Variants in PCDHA9 observed in about 807,000 individuals in gnomAD.
PCDHA9 encodes protocadherin alpha-9.
A neutral mutation model predicts 62.0 loss-of-function variants in PCDHA9; 62 were observed. The observed-to-expected ratio is 1.00, with a 90% CI of 0.81 to 1.23. The LOEUF is 1.23. PCDHA9 is among the 50% of genes most tolerant of loss of function. PCDHA9 has a pLI of 0.00. For missense variants in PCDHA9, 1,205 were observed against 1,249.8 expected, an observed-to-expected ratio of 0.96 and a Z score of 0.54; for synonymous variants, 557 against 567.6, an observed-to-expected ratio of 0.98 and a Z score of 0.27.
intron 3 of PCDHA9, among the ~76,000 whole-genome samples, chr5:141,005,899 A>G (rs2098245270): frequency 6.6e-6 from 1 of 151,978 alleles, no homozygotes; most frequent in East Asian, 1.9e-4. Flanking sequence ...TCAAGCAATG[A>G]TTGCACCACT....
At chr5:141,007,980 A>G (rs533342900) in intron 3 of PCDHA9, among the ~76,000 whole-genome samples, 1 of 152,338 alleles carries the variant, frequency 6.6e-6, no homozygotes, top group East Asian at 1.9e-4. Context: ...TGTCATGTAT[A>G]TATGAAATGT....
At chr5:141,007,806 T>G (rs979059299) in intron 3 of PCDHA9, among the ~76,000 whole-genome samples, 12 of 152,220 alleles carry the variant, frequency 7.9e-5, no homozygotes, top group Non-Finnish European at 1.3e-4. Context: ...TATCTGCCAT[T>G]CATTTGCCTT....
At chr5:140,935,080 C>T (rs1163743447) in intron 1 of PCDHA9, among the ~76,000 whole-genome samples, 1 of 152,076 alleles carries the variant, frequency 6.6e-6, no homozygotes, top group Non-Finnish European at 1.5e-5. Flanking sequence ...TGTACATTTC[C>T]TTTCCCAGAA....
At position 140,899,599 on chromosome 5, in the gene PCDHA9, C is replaced by T. The variant is rs535938234; in HGVS notation, c.2394+48710C>T. Among the ~76,000 whole-genome samples the T allele has an allele frequency of 8.0e-3, 1,213 of 152,222 alleles. 6 individuals carry two copies. Among genetic ancestry groups the T allele is most frequent in the African/African-American group, 0.019 (784 of 41,538 alleles). ...CGGTTTGCCAGTATTTTATTGAGGA[C>T]TTTTGCATCAATGTTCATCAAGGAT... On this transcript the variant is annotated intron_variant, in intron 1 of 3. Coordinates refer to ENST00000532602, the MANE Select transcript of PCDHA9 (RefSeq NM_031857.2).
intron 1 of PCDHA9, chr5:140,870,154 G>T (rs1243170344): frequency 6.2e-7 from 1 of 1,614,130 alleles, no homozygotes; most frequent in African/African-American, 1.3e-5. Flanking sequence ...TGAAGTCGCC[G>T]TGACTTCCTT....
At chr5:140,879,672 G>C (rs1256239319) in intron 1 of PCDHA9, among the ~76,000 whole-genome samples, 1 of 152,160 alleles carries the variant, frequency 6.6e-6, no homozygotes, top group East Asian at 1.9e-4. Flanking sequence ...ACACAAACTG[G>C]GTGCTGTAAA....
At chr5:140,970,331 T>C (rs1442466340) in intron 1 of PCDHA9, among the ~76,000 whole-genome samples, 1 of 152,210 alleles carries the variant, frequency 6.6e-6, no homozygotes, top group African/African-American at 2.4e-5. Context: ...TTCCAAAGCA[T>C]GCATTCATTT....
chr5:140,875,443 G>A, intron 1 of PCDHA9: 1 of 1,580,070 alleles, frequency 6.3e-7, no homozygotes. Flanking sequence ...AAAACTGATT[G>A]TCCCAACTCA....
In PCDHA9 at chr5:140,870,903, A is replaced by C. The variant is rs182770106; in HGVS notation, c.2394+20014A>C. On this transcript the variant is annotated intron_variant, in intron 1 of 3. Transcript: ENST00000532602. ...AGGTGCGCGCAGTGGATGCGGACTCAGGCTACAACGCGTGGCTTTCATATG... is the reference window on the plus strand; with the variant it reads ...AGGTGCGCGCAGTGGATGCGGACTCCGGCTACAACGCGTGGCTTTCATATG... 3.9e-4 allele frequency: 622 copies of C among 1,613,930 alleles called. 2 individuals carry two copies. The highest frequency in any genetic ancestry group is 2.8e-3 in the Middle Eastern group (17 of 6,060).
rs2150527140 is a variant in PCDHA9 at position 140,853,018 on chromosome 5, A to G, written c.2394+2129A>G. 8 of 268,768 alleles carry G rather than the reference A, an allele frequency of 3.0e-5. No homozygotes were observed. In the East Asian group the frequency reaches 8.8e-4, roughly 30 times the overall value. 16.6% of individuals were successfully genotyped at this position (268,768 alleles called of 1,614,324 possible). A position where few individuals can be genotyped will look rare whatever the true frequency, so the allele number is the denominator to read the frequency against. ...CTCAGCCTCCCGAGTAGCTGGGACT[A>G]CAGGCGCCTGCCACCATGCCCGCCT... On this transcript the variant is annotated intron_variant, in intron 1 of 3. Coordinates refer to ENST00000532602, the MANE Select transcript of PCDHA9 (RefSeq NM_031857.2).
rs1554169514 is a variant in PCDHA9, at chr5:140,877,250, A to C, written c.2394+26361A>C. On this transcript the variant is annotated intron_variant, in intron 1 of 3. Transcript: ENST00000532602. Reference sequence around the variant, plus strand: ...GTGGGTGCGGGCCACGTGGTGGCGAAAGTGCGCGCGGTGGACGCTGACTCC... The same window carrying C: ...GTGGGTGCGGGCCACGTGGTGGCGACAGTGCGCGCGGTGGACGCTGACTCC... 1.9e-6 allele frequency: 3 copies of C among 1,613,668 alleles called. No homozygotes were observed. In the African/African-American group the frequency reaches 4.0e-5, roughly 22 times the overall value.
intron 3 of PCDHA9, among the ~76,000 whole-genome samples, chr5:140,983,914 AGGATT>A (rs1327360241): frequency 6.6e-6 from 1 of 152,244 alleles, no homozygotes; most frequent in Non-Finnish European, 1.5e-5. Flanking sequence ...CTAATCAGCC[AGGATT>A]TGCTATTTAT....
chr5:141,006,620 T>C (rs1237251555), intron 3 of PCDHA9, among the ~76,000 whole-genome samples: 3 of 152,148 alleles, frequency 2.0e-5, no homozygotes, highest in Admixed American at 6.5e-5. Context: ...ATAAGGAGAC[T>C]ATTGCTGCAA....
rs1259591783 is a variant in PCDHA9, at chr5:141,009,842, G to C, written c.2758G>C (p.Glu920Gln). 1.2e-6 allele frequency: 2 copies of C among 1,613,960 alleles called. No individual in the cohort carries two copies. The highest frequency in any genetic ancestry group is 1.7e-6 in the Non-Finnish European group (2 of 1,180,014). ...TGACTTCATAACCTTCGGCAAAAAG[G>C]AGGAGACCAAGAAAAAGAAGAAAAA... ...KSDFITFGKKEETKKKKKKKK... is the reference protein window; with the variant it reads ...KSDFITFGKKQETKKKKKKKK... The change falls in exon 4 of 4, where the codon GAG becomes CAG. Residue 920 changes from glutamate (E) to glutamine (Q), a missense_variant. Coordinates refer to ENST00000532602, the MANE Select transcript of PCDHA9 (RefSeq NM_031857.2).
chr5:140,905,396 C>T (rs913640299), intron 1 of PCDHA9, among the ~76,000 whole-genome samples: 1 of 152,080 alleles, frequency 6.6e-6, no homozygotes, highest in Non-Finnish European at 1.5e-5. Flanking sequence ...GGTCTGTGTG[C>T]CTATTTTTAT....
intron 1 of PCDHA9, chr5:140,881,303 C>A: frequency 2.1e-6 from 2 of 962,604 alleles, no homozygotes; most frequent in Non-Finnish European, 2.5e-6. Flanking sequence ...GAAACTTTAA[C>A]CTCCTGGTTA....
In PCDHA9 at chr5:140,875,574, C is replaced by T. The variant is rs368911944; in HGVS notation, c.2394+24685C>T. On this transcript the variant is annotated intron_variant, in intron 1 of 3. Coordinates refer to ENST00000532602, the MANE Select transcript of PCDHA9 (RefSeq NM_031857.2). ...TGGGGAGCGGCCAGCTCCACTACTC[C>T]GTCTACGAGGAGGCCAAACACGGCA... 7 of 1,613,978 alleles carry T rather than the reference C, an allele frequency of 4.3e-6. No homozygotes were observed. The African/African-American group carries it at 9.3e-5, about 22-fold the overall frequency.
Position 140,868,506 on chromosome 5 carries a change from A to T in PCDHA9, c.2394+17617A>T, listed in dbSNP as rs1250178704. 3 of 152,422 alleles carry T rather than the reference A, an allele frequency of 2.0e-5. No individual in the cohort carries two copies. The East Asian group carries it at 5.8e-4, about 29-fold the overall frequency. 9.4% of individuals were successfully genotyped at this position (152,422 alleles called of 1,614,324 possible). On this transcript the variant is annotated intron_variant, in intron 1 of 3. Transcript: ENST00000532602. ...TTTTCTTTGAGTTCCCTAGCAGCCA[A>T]AGTAACAAGGGAGACTGAAAGTAAA... is the stretch of plus-strand genomic sequence containing the variant.
intron 1 of PCDHA9, chr5:140,862,749 G>C: frequency 1.7e-6 from 1 of 579,636 alleles, no homozygotes; most frequent in Non-Finnish European, 3.3e-6. Flanking sequence ...GGGTGCACGC[G>C]GAGAGCGGCA....
Sources: gnomAD v4.1 joint callset for allele counts (sites outside exome capture counted in the v4.1 genomes callset) on GRCh38, gnomAD v4.1.1 for gene constraint, MANE v1.5 for transcripts, NCBI Gene and HGNC (gene_info 2026-07-23, HGNC 2026-07-21) for gene names.